BCHE: variants seen among roughly 807,000 people sequenced by gnomAD.
The protein encoded by BCHE is cholinesterase.
Under a neutral mutation model 51.3 loss-of-function variants are expected in BCHE, and 48 were observed. The ratio of observed to expected loss-of-function variants is 0.94; its 90% CI spans 0.74 to 1.19. The LOEUF is 1.19. Ranked by LOEUF, BCHE falls within the 50% of genes most tolerant of loss-of-function variation. The pLI, the probability that BCHE is intolerant of heterozygous loss-of-function variation, is 0.00. For synonymous variants in BCHE, 251 were observed against 238.0 expected (o/e 1.05, Z -0.50); for missense variants, 847 against 708.2 (o/e 1.20, Z -2.23).
chr3:165,807,975 T>A (rs1713930674), intron 2 of BCHE, among the ~76,000 whole-genome samples: 1 of 151,880 alleles, frequency 6.6e-6, no homozygotes, highest in South Asian at 2.1e-4. Flanking sequence ...TGTTGCTTGT[T>A]TTTTTTTGTA....
chr3:165,788,853 G>T (rs1713061870), intron 2 of BCHE, among the ~76,000 whole-genome samples: 1 of 152,006 alleles, frequency 6.6e-6, no homozygotes. Context: ...AGATTCCTTT[G>T]CCTATAGATG....
intron 3 of BCHE, among the ~76,000 whole-genome samples, chr3:165,783,462 C>T (rs114611957): frequency 1.7e-3 from 265 of 152,226 alleles, no homozygotes; most frequent in African/African-American, 6.2e-3. Context: ...CTAGTTTCAA[C>T]ATTTTCTCCA....
At chr3:165,776,231 T>C (rs565092800) in intron 3 of BCHE, among the ~76,000 whole-genome samples, 1 of 152,118 alleles carries the variant, frequency 6.6e-6, no homozygotes, top group African/African-American at 2.4e-5. Context: ...AATTATATTG[T>C]AGAACAGTCA....
chr3:165,823,504 G>A (rs1439296419), intron 2 of BCHE, among the ~76,000 whole-genome samples: 1 of 151,940 alleles, frequency 6.6e-6, no homozygotes, highest in African/African-American at 2.4e-5. Context: ...TAAGAAAAGG[G>A]GAATGCCAAT....
chr3:165,778,385 G>C (rs1362427106), intron 3 of BCHE: 1 of 168,624 alleles, frequency 5.9e-6, no homozygotes, highest in Non-Finnish European at 1.3e-5. Flanking sequence ...ACTCTAAGAA[G>C]ACAAAGGTAA....
At chr3:165,785,388 G>A (rs1334664016) in intron 3 of BCHE, among the ~76,000 whole-genome samples, 1 of 151,636 alleles carries the variant, frequency 6.6e-6, no homozygotes, top group Non-Finnish European at 1.5e-5. Flanking sequence ...ACAGTGAGTT[G>A]GATATATGTC....
At chr3:165,807,148 T>C (rs1236163710) in intron 2 of BCHE, among the ~76,000 whole-genome samples, 4 of 152,140 alleles carry the variant, frequency 2.6e-5, no homozygotes, top group Admixed American at 2.6e-4. Context: ...CACTGAGTTC[T>C]TCATGTTAAT....
At chr3:165,826,705 A>G (rs1356801626) in intron 2 of BCHE, among the ~76,000 whole-genome samples, 2 of 152,176 alleles carry the variant, frequency 1.3e-5, no homozygotes, top group Non-Finnish European at 2.9e-5. Flanking sequence ...CATTTCATGA[A>G]TCATGAACTT....
At chr3:165,812,113 A>C (rs1019665146) in intron 2 of BCHE, among the ~76,000 whole-genome samples, 1 of 152,054 alleles carries the variant, frequency 6.6e-6, no homozygotes, top group South Asian at 2.1e-4. Context: ...AAACAAGTTT[A>C]TATACATAAA....
chr3:165,816,771 A>G (rs1015026074), intron 2 of BCHE, among the ~76,000 whole-genome samples: 3 of 151,790 alleles, frequency 2.0e-5, no homozygotes, highest in African/African-American at 7.3e-5. Flanking sequence ...TGGCTACTCC[A>G]TTCTCTCTCT....
chr3:165,778,246 AAATAT>A (rs1183714224), intron 3 of BCHE: 6 of 152,796 alleles, frequency 3.9e-5, no homozygotes, highest in African/African-American at 1.4e-4. Flanking sequence ...AAAATAAAAT[AAATAT>A]AAGAGAAGTG....
rs1712439590 is a variant in BCHE, at chr3:165,775,584, A to T, written c.1685-2078T>A. ...TGGTAATTTAAAATTTAGACCATGA[A>T]TTTTAATCCTTATAGAAAGAGTCCT... On this transcript the variant is annotated intron_variant, in intron 3 of 3. Transcript: ENST00000264381. Among the ~76,000 whole-genome samples the T allele has an allele frequency of 2.0e-5, 3 of 151,664 alleles. No individual in the cohort carries two copies. In the South Asian group the frequency reaches 6.3e-4, roughly 32 times the overall value.
At chr3:165,786,537 T>G (rs1268601559) in intron 2 of BCHE, among the ~76,000 whole-genome samples, 2 of 151,806 alleles carry the variant, frequency 1.3e-5, no homozygotes, top group Non-Finnish European at 3.0e-5. Context: ...AGTTGAATTT[T>G]TTATATGCAT....
At chr3:165,805,804 C>T (rs1713845896) in intron 2 of BCHE, among the ~76,000 whole-genome samples, 10 of 152,136 alleles carry the variant, frequency 6.6e-5, no homozygotes. Flanking sequence ...GACATACGTT[C>T]TTAACTCATG....
intron 2 of BCHE, among the ~76,000 whole-genome samples, chr3:165,810,747 T>C (rs1714062852): frequency 6.6e-6 from 1 of 152,146 alleles, no homozygotes; most frequent in Non-Finnish European, 1.5e-5. Flanking sequence ...TCCTTAGCAG[T>C]GTTTGAGGTA....
chr3:165,820,482 A>G (rs1033664617), intron 2 of BCHE, among the ~76,000 whole-genome samples: 9 of 152,024 alleles, frequency 5.9e-5, no homozygotes, highest in Non-Finnish European at 7.4e-5. Context: ...AGGAGAAAAA[A>G]AGATTTAAAG....
At chr3:165,776,363 G>T (rs1208003779) in intron 3 of BCHE, among the ~76,000 whole-genome samples, 2 of 151,888 alleles carry the variant, frequency 1.3e-5, no homozygotes. Flanking sequence ...GAGATACAAA[G>T]AAAGAATAAT....
intron 3 of BCHE, among the ~76,000 whole-genome samples, chr3:165,785,561 A>G (rs1191828780): frequency 6.6e-6 from 1 of 151,592 alleles, no homozygotes; most frequent in Non-Finnish European, 1.5e-5. Context: ...TAGTTAACTA[A>G]ATAACTATTT....
intron 1 of BCHE, among the ~76,000 whole-genome samples, chr3:165,836,669 A>G (rs1715201397): frequency 6.6e-6 from 1 of 152,124 alleles, no homozygotes; most frequent in Non-Finnish European, 1.5e-5. Flanking sequence ...TAGCAAATGT[A>G]AAATATTTTG....
Sources: gnomAD v4.1 joint callset for allele counts (sites outside exome capture counted in the v4.1 genomes callset) on GRCh38, gnomAD v4.1.1 for gene constraint, MANE v1.5 for transcripts, NCBI Gene and HGNC (gene_info 2026-07-23, HGNC 2026-07-21) for gene names.